NUP107: variants seen among roughly 807,000 people sequenced by gnomAD.
NUP107 encodes the protein nuclear pore complex protein Nup107.
Under a neutral mutation model 141.0 loss-of-function variants are expected in NUP107, and 101 were observed. That is an observed-to-expected ratio of 0.72 (90% CI 0.61 to 0.84). NUP107 has a LOEUF of 0.84. Ranked by LOEUF, NUP107 falls within the 40% of genes least tolerant of loss-of-function variation. NUP107 has a pLI of 0.00. For missense variants in NUP107, 941 were observed against 1,102.7 expected (o/e 0.85, Z 2.08); for synonymous variants, 319 against 363.9 (o/e 0.88, Z 1.41).
intron 2 of NUP107, 85 bp downstream of exon 2, chr12:68,689,138 T>A: frequency 1.0e-6 from 1 of 1,001,664 alleles, no homozygotes; most frequent in Non-Finnish European, 1.5e-6. Context: ...ATAAGAGTAT[T>A]AAATGGTAGC....
chr12:68,726,486 T>C lies in NUP107; in HGVS notation c.1577-13T>C, dbSNP rs1358794913. ...TATTCCTATTGTTGAATCTTCACTTTGATGGCTTGTAGGTTTGATGGATGA... is the reference window on the plus strand; with the variant it reads ...TATTCCTATTGTTGAATCTTCACTTCGATGGCTTGTAGGTTTGATGGATGA... On this transcript the variant is annotated splice_polypyrimidine_tract_variant and intron_variant, in intron 18 of 27. Coordinates refer to ENST00000229179, the MANE Select transcript of NUP107 (RefSeq NM_020401.4). 1.3e-6 allele frequency: 2 copies of C among 1,527,588 alleles called. No individual in the cohort carries two copies. The highest frequency in any genetic ancestry group is 3.4e-5 in the Admixed American group (2 of 58,584). 94.6% of individuals were successfully genotyped at this position (1,527,588 alleles called of 1,614,324 possible).
chr12:68,687,101 C>T (rs762499784), intron 1 of NUP107, 28 bp downstream of exon 1: 1 of 1,613,426 alleles, frequency 6.2e-7, no homozygotes, highest in African/African-American at 1.3e-5. Context: ...CAGCTGAGCC[C>T]GAAGTCTTGC....
At chr12:68,726,427 G>T (rs1367414319) in intron 18 of NUP107, 72 bp from the exon 19 acceptor site, 1 of 957,760 alleles carries the variant, frequency 1.0e-6, no homozygotes, top group East Asian at 2.4e-5. Flanking sequence ...TGAAATAAAT[G>T]TTCTTGGTAA....
chr12:68,741,252 T>C (rs1280549052), intron 26 of NUP107, among the ~76,000 whole-genome samples: 2 of 152,170 alleles, frequency 1.3e-5, no homozygotes, highest in Non-Finnish European at 2.9e-5. Context: ...TTTTTTCTGC[T>C]TGTTTTCCTT....
rs767779442 is a variant in NUP107 at position 68,731,140 on chromosome 12, A to G, written c.1765A>G (p.Ile589Val). Residue 589 changes from isoleucine (I) to valine (V), a missense_variant, in exon 21 of 28, where the codon ATA becomes GTA. Coordinates refer to ENST00000229179, the MANE Select transcript of NUP107 (RefSeq NM_020401.4). Reference sequence around the variant, plus strand: ...AATAAGAGAGAAACATACAAATCTTATAGCATTTTATACCTGTCATTTGCC... The same window carrying G: ...AATAAGAGAGAAACATACAAATCTTGTAGCATTTTATACCTGTCATTTGCC... Reference protein sequence around the residue: ...LLIREKHTNLIAFYTCHLPQD... With the variant: ...LLIREKHTNLVAFYTCHLPQD... 6.2e-7 allele frequency: 1 copy of G among 1,601,056 alleles called. No individual in the cohort carries two copies. Among genetic ancestry groups the G allele is most frequent in the Admixed American group, 1.7e-5 (1 of 57,270 alleles).
chr12:68,741,673 A>G lies in NUP107; in HGVS notation c.2503-140A>G, dbSNP rs1245122757. Reference sequence around the variant, plus strand: ...TCACTGTCATACCTCTCTGTAGTCTACGTTGTTCATCTTCATACTTTTTTG... The same window carrying G: ...TCACTGTCATACCTCTCTGTAGTCTGCGTTGTTCATCTTCATACTTTTTTG... On this transcript the variant is annotated intron_variant, in intron 26 of 27. Transcript: ENST00000229179. The G allele has an allele frequency of 6.3e-6, 4 of 631,574 alleles. No homozygotes were observed. The South Asian group carries it at 8.8e-5, about 14-fold the overall frequency. 39.1% of individuals were successfully genotyped at this position (631,574 alleles called of 1,614,324 possible).
chr12:68,734,629 A>T, intron 24 of NUP107, 79 bp from the exon 25 acceptor site: 2 of 1,083,312 alleles, frequency 1.8e-6, no homozygotes, highest in Non-Finnish European at 2.6e-6. Context: ...TAAGAATCAA[A>T]TGTTAAAAAT....
rs564228533 is a variant in NUP107 at position 68,711,280 on chromosome 12, G to A, written c.890+1187G>A. ...GCAGGAGAATCGCTTGAACCCAGGA[G>A]GCAGAGGTTGCAGTGAGCCGAGATT... On this transcript the variant is annotated intron_variant, in intron 10 of 27. Coordinates refer to ENST00000229179, the MANE Select transcript of NUP107 (RefSeq NM_020401.4). Among the ~76,000 whole-genome samples the A allele has an allele frequency of 2.1e-4, 32 of 152,186 alleles. No individual in the cohort carries two copies. In the East Asian group the frequency reaches 6.0e-3, roughly 28 times the overall value.
intron 12 of NUP107, among the ~76,000 whole-genome samples, chr12:68,716,822 C>G (rs1382853644): frequency 6.6e-6 from 1 of 152,112 alleles, no homozygotes; most frequent in Admixed American, 6.5e-5. Flanking sequence ...GGTCTTTAGA[C>G]AGATTCTATG....
At chr12:68,711,413 G>A (rs955782382) in intron 10 of NUP107, among the ~76,000 whole-genome samples, 1 of 151,362 alleles carries the variant, frequency 6.6e-6, no homozygotes, top group African/African-American at 2.4e-5. Flanking sequence ...TAAAGTAGGA[G>A]ATCCTGAATT....
chr12:68,689,871 A>G, intron 3 of NUP107: 1 of 390,224 alleles, frequency 2.6e-6, no homozygotes, highest in Non-Finnish European at 4.6e-6. Context: ...AGAGAAGTTA[A>G]CTAATATATA....
At chr12:68,713,608 A>T in intron 10 of NUP107, 122 bp from the exon 11 acceptor site, 1 of 717,416 alleles carries the variant, frequency 1.4e-6, no homozygotes, top group Non-Finnish European at 2.4e-6. Flanking sequence ...TGTATTAAGG[A>T]TTTTTGCATG....
At chr12:68,692,261 T>G (rs1308774711) in intron 5 of NUP107, 149 bp downstream of exon 5, 8 of 801,380 alleles carry the variant, frequency 1.0e-5, no homozygotes, top group South Asian at 2.2e-5. Context: ...CAACAGATTT[T>G]TGTGTGTGTG....
chr12:68,726,831 G>A (rs1877587903), intron 19 of NUP107, among the ~76,000 whole-genome samples: 1 of 152,126 alleles, frequency 6.6e-6, no homozygotes, highest in Non-Finnish European at 1.5e-5. Context: ...TTGGTTAACT[G>A]GTTTTTAATA....
At chr12:68,737,526 A>C (rs1878128240) in intron 26 of NUP107, among the ~76,000 whole-genome samples, 2 of 144,000 alleles carry the variant, frequency 1.4e-5, no homozygotes, top group Non-Finnish European at 3.0e-5. Context: ...GTGCCACTGC[A>C]CTTCAGCCTA....
intron 5 of NUP107, among the ~76,000 whole-genome samples, chr12:68,696,528 T>C (rs147292886): frequency 1.8e-3 from 280 of 151,598 alleles, no homozygotes; most frequent in African/African-American, 6.4e-3. Flanking sequence ...GCCTGGCCAA[T>C]ATGGTGAAAC....
chr12:68,719,311 T>C (rs1051853845), intron 12 of NUP107, 30 bp from the exon 13 acceptor site: 3 of 1,564,600 alleles, frequency 1.9e-6, no homozygotes, highest in Non-Finnish European at 1.8e-6. Context: ...CCCTGGTTAT[T>C]GGACTGACTG....
chr12:68,689,680 T>G (rs769154308), intron 3 of NUP107, 61 bp downstream of exon 3: 1 of 997,094 alleles, frequency 1.0e-6, no homozygotes, highest in Non-Finnish European at 1.6e-6. Context: ...CAACTAACAT[T>G]TATTGTAACA....
intron 26 of NUP107, 96 bp downstream of exon 26, chr12:68,735,440 T>C: frequency 1.2e-6 from 1 of 850,268 alleles, no homozygotes; most frequent in Non-Finnish European, 2.0e-6. Flanking sequence ...TCTACAGATT[T>C]TACATAATTG....
Sources: gnomAD v4.1 joint callset for allele counts (sites outside exome capture counted in the v4.1 genomes callset) on GRCh38, gnomAD v4.1.1 for gene constraint, MANE v1.5 for transcripts, NCBI Gene and HGNC (gene_info 2026-07-23, HGNC 2026-07-21) for gene names.